MYB: variants seen among roughly 807,000 people sequenced by gnomAD.
MYB encodes the protein transcriptional activator Myb.
Under a neutral mutation model 92.9 loss-of-function variants are expected in MYB, and 28 were observed. The observed-to-expected ratio is 0.30, with a 90% confidence interval of 0.22 to 0.41. The LOEUF (loss-of-function observed/expected upper bound fraction) is 0.41, where lower values mean the gene tolerates loss of function less well. MYB is among the 10% of genes least tolerant of loss of function. The probability of loss-of-function intolerance (pLI) is 1.00; values close to 1 mark genes in which losing one functional copy is unlikely to be tolerated. For missense variants in MYB, 679 were observed against 929.3 expected (o/e 0.73, Z 3.50); for synonymous variants, 295 against 329.1 (o/e 0.90, Z 1.12).
In MYB at chr6:135,181,949, A is replaced by T. The variant is rs1775119631; in HGVS notation, c.23+413A>T. 6.6e-6 allele frequency among the ~76,000 whole-genome samples: 1 copy of T among 152,186 alleles called. No individual in the cohort carries two copies. Among genetic ancestry groups the T allele is most frequent in the African/African-American group, 2.4e-5 (1 of 41,444 alleles). Reference sequence around the variant, plus strand: ...TGCATTGAGATATGTTTGGACTTGGAAGTGCAGAGCATATGGCAGATACAG... The same window carrying T: ...TGCATTGAGATATGTTTGGACTTGGTAGTGCAGAGCATATGGCAGATACAG... On this transcript the variant is annotated intron_variant, in intron 1 of 15. Transcript: ENST00000341911. The surrounding 1 kb of genome is among the most constrained non-coding windows in gnomAD (Gnocchi z 5.3).
intron 3 of MYB, among the ~76,000 whole-genome samples, chr6:135,188,970 A>G (rs1776305813): frequency 6.6e-6 from 1 of 152,188 alleles, no homozygotes; most frequent in Non-Finnish European, 1.5e-5. Context: ...TATTGCCCCA[A>G]CTTACAGCTC....
At position 135,218,837 on chromosome 6, in the gene MYB, T is replaced by C. The variant is rs985622997; in HGVS notation, c.*857T>C. ...GGAGACTCTGCATTTTTTATTGTGG[T>C]TTTTTTGTTATTGTTGGTTTATACA... On this transcript the variant is annotated 3_prime_UTR_variant, in exon 16 of 16. Transcript: ENST00000341911. 3 of 223,484 alleles carry C rather than the reference T, an allele frequency of 1.3e-5. No individual in the cohort carries two copies. The highest frequency in any genetic ancestry group is 6.7e-5 in the African/African-American group (3 of 44,778). The allele number at this position is 223,484 out of a possible 1,614,324, so 13.8% of individuals were successfully genotyped here.
chr6:135,204,167 G>A (rs918422003), intron 15 of MYB, among the ~76,000 whole-genome samples: 1 of 152,190 alleles, frequency 6.6e-6, no homozygotes, highest in Non-Finnish European at 1.5e-5. Flanking sequence ...TCATAGGACA[G>A]CAGCCTTTGA....
chr6:135,205,735 CATAT>C (rs1778774599), intron 15 of MYB, among the ~76,000 whole-genome samples: 1 of 152,102 alleles, frequency 6.6e-6, no homozygotes, highest in African/African-American at 2.4e-5. Flanking sequence ...CTGTCTAAAC[CATAT>C]AGTTTACTGG....
chr6:135,206,902 T>C (rs757735225), intron 15 of MYB, among the ~76,000 whole-genome samples: 1 of 152,248 alleles, frequency 6.6e-6, no homozygotes, highest in African/African-American at 2.4e-5. Context: ...ATTTCTAAAA[T>C]GTTTCAGACT....
chr6:135,195,483 G>A (rs567202300), intron 8 of MYB: 66 of 452,822 alleles, frequency 1.5e-4, no homozygotes, highest in Admixed American at 1.1e-3. Context: ...ATTATACTTC[G>A]AAATATAGAC....
intron 1 of MYB, among the ~76,000 whole-genome samples, chr6:135,183,284 T>C (rs894919751): frequency 6.6e-6 from 1 of 152,146 alleles, no homozygotes; most frequent in East Asian, 1.9e-4. Context: ...GCAGGGATTA[T>C]ATTAACCAGG....
chr6:135,196,151 T>G (rs1777270785), intron 9 of MYB, 149 bp downstream of exon 9: 2 of 870,548 alleles, frequency 2.3e-6, no homozygotes, highest in Admixed American at 2.9e-5. Context: ...CATGAATATG[T>G]TTTTTCAAAG....
chr6:135,215,382 C>T (rs2128324052), intron 15 of MYB, among the ~76,000 whole-genome samples: 1 of 152,310 alleles, frequency 6.6e-6, no homozygotes, highest in East Asian at 1.9e-4. Flanking sequence ...GAATTAGAGG[C>T]AGCGTCTGGT....
chr6:135,187,898 A>T lies in MYB; in HGVS notation c.206A>T (p.Tyr69Phe). 6.2e-7 allele frequency: 1 copy of T among 1,608,974 alleles called. No individual in the cohort carries two copies. The highest frequency in any genetic ancestry group is 1.7e-4 in the Middle Eastern group (1 of 6,048). ...GTDDWKVIAN[Y>F]LPNRTDVQCQ... ...GATGACTGGAAAGTTATTGCCAATTATCTCCCGGTAAGTTAGTAAGTTTTT... is the reference window on the plus strand; with the variant it reads ...GATGACTGGAAAGTTATTGCCAATTTTCTCCCGGTAAGTTAGTAAGTTTTT... Residue 69 changes from tyrosine (Y) to phenylalanine (F), a missense_variant, in exon 3 of 16, where the codon TAT becomes TTT. Tyr to Phe is a conservative substitution (Grantham distance 22). This residue lies in a region of MYB where 88 missense variants were observed against 145.6 expected (regional missense o/e 0.60). Transcript: ENST00000341911.
intron 14 of MYB, 32 bp from the exon 15 acceptor site, chr6:135,203,185 A>T: frequency 6.7e-7 from 1 of 1,487,588 alleles, no homozygotes. Context: ...ATCCAACCTC[A>T]TTTAAATTTC....
At chr6:135,187,433 A>G (rs1482829735) in intron 2 of MYB, among the ~76,000 whole-genome samples, 1 of 152,204 alleles carries the variant, frequency 6.6e-6, no homozygotes, top group Non-Finnish European at 1.5e-5. Context: ...GTTATTTATA[A>G]TAAACACTCA....
intron 13 of MYB, 89 bp downstream of exon 13, chr6:135,200,504 T>G (rs767243448): frequency 1.2e-5 from 18 of 1,565,160 alleles, no homozygotes; most frequent in Non-Finnish European, 1.5e-5. Flanking sequence ...CCATTGGCAC[T>G]GTGCAACACC....
intron 15 of MYB, among the ~76,000 whole-genome samples, chr6:135,213,327 G>A (rs531628379): frequency 6.6e-6 from 1 of 152,250 alleles, no homozygotes; most frequent in Admixed American, 6.5e-5. Flanking sequence ...CTTAGGAGAA[G>A]CTAACTATTT....
intron 13 of MYB, 52 bp from the exon 14 acceptor site, chr6:135,201,587 A>C: frequency 1.6e-6 from 2 of 1,243,756 alleles, no homozygotes; most frequent in South Asian, 1.3e-5. Flanking sequence ...CTGACTGTAC[A>C]TGTTTCATAG....
At chr6:135,198,301 G>A (rs1006220388) in intron 10 of MYB, among the ~76,000 whole-genome samples, 6 of 152,116 alleles carry the variant, frequency 3.9e-5, no homozygotes, top group Non-Finnish European at 5.9e-5. Context: ...TTTTTTAACT[G>A]CAGGCCTTCT....
At chr6:135,210,801 G>A (rs1003041606) in intron 15 of MYB, among the ~76,000 whole-genome samples, 1 of 152,156 alleles carries the variant, frequency 6.6e-6, no homozygotes, top group Non-Finnish European at 1.5e-5. Flanking sequence ...TCAAGATGGC[G>A]GCACACTTGC....
chr6:135,186,513 T>C (rs1775933257), intron 2 of MYB, among the ~76,000 whole-genome samples: 1 of 152,232 alleles, frequency 6.6e-6, no homozygotes, highest in Non-Finnish European at 1.5e-5. Context: ...TCACAAATGC[T>C]TGGACCCAAA....
intron 8 of MYB, 34 bp downstream of exon 8, chr6:135,194,494 T>G (rs112340316): frequency 4.1e-6 from 6 of 1,480,898 alleles, no homozygotes; most frequent in African/African-American, 2.8e-5. Flanking sequence ...AATGAGGGGA[T>G]AGCAGCTTTG....
Sources: allele counts gnomAD v4.1 joint callset (sites outside exome capture counted in the v4.1 genomes callset), GRCh38; gene constraint gnomAD v4.1.1; regional missense constraint gnomAD v4.1.1; non-coding constraint Gnocchi (gnomAD v3.1); transcripts MANE v1.5; gene names NCBI Gene and HGNC (gene_info 2026-07-23, HGNC 2026-07-21).